The following WDR26 variants were observed in gnomAD, a reference collection of about 807,000 sequenced individuals.
WDR26 encodes the protein WD repeat-containing protein 26.
In WDR26, 5 loss-of-function variants were observed where a neutral mutation model predicts 84.1. That is an observed-to-expected ratio of 0.06 (90% CI 0.03 to 0.13). The LOEUF is 0.13. WDR26 is among the 10% of genes least tolerant of loss of function. The probability of loss-of-function intolerance (pLI) is 1.00; values close to 1 mark genes in which losing one functional copy is unlikely to be tolerated. For synonymous variants in WDR26, 415 were observed against 389.6 expected, an observed-to-expected ratio of 1.07 and a Z score of -0.77; for missense variants, 642 against 974.9, an observed-to-expected ratio of 0.66 and a Z score of 4.55.
At chr1:224,412,162 T>TA (rs1673757851) in intron 6 of WDR26, among the ~76,000 whole-genome samples, 1 of 152,224 alleles carries the variant, frequency 6.6e-6, no homozygotes, top group Non-Finnish European at 1.5e-5. Context: ...ACAGGGTTCT[T>TA]AGAATTCTTG....
rs752048432 is a variant in WDR26 at position 224,400,930 on chromosome 1, AG to A, written c.1719+19del. On this transcript the variant is annotated intron_variant, in intron 9 of 13. Coordinates refer to ENST00000414423, the MANE Select transcript of WDR26 (RefSeq NM_001379403.1). ...GCTTTTAAACCAACAGATACTGGGA[AG>A]GGGGCACTGAATACTTACACACTGA... 8.1e-6 allele frequency: 13 copies of A among 1,607,304 alleles called. No homozygotes were observed.
At chr1:224,418,231 T>C (rs371545472) in intron 6 of WDR26, 29 bp downstream of exon 6, 1 of 1,575,936 alleles carries the variant, frequency 6.3e-7, no homozygotes, top group Non-Finnish European at 8.6e-7. Flanking sequence ...TGTTAGGCTG[T>C]TTCAGAATAT....
intron 1 of WDR26, 29 bp from the exon 2 acceptor site, chr1:224,431,810 C>T (rs1170345348): frequency 6.5e-7 from 1 of 1,546,862 alleles, no homozygotes; most frequent in African/African-American, 1.4e-5. Context: ...GTAAAACAGA[C>T]CTGACCAATT....
chr1:224,429,500 G>A (rs893354387), intron 3 of WDR26: 1 of 152,146 alleles, frequency 6.6e-6, no homozygotes, highest in African/African-American at 2.4e-5. Context: ...CTCTTCTTCT[G>A]GAGATGGGAT....
At position 224,434,782 on chromosome 1, in the gene WDR26, C is replaced by G; in HGVS notation, c.-377G>C. On this transcript the variant is annotated 5_prime_UTR_variant, in exon 1 of 14. Transcript: ENST00000414423. ...GCTCCCTGGTGTGTTGATTCTTCCCCCAGCTGCTGCCTAATGGAGTCCAGG... is the reference window on the plus strand; with the variant it reads ...GCTCCCTGGTGTGTTGATTCTTCCCGCAGCTGCTGCCTAATGGAGTCCAGG... 1 of 986,410 alleles carries G rather than the reference C, an allele frequency of 1.0e-6. No homozygotes were observed. The highest frequency in any genetic ancestry group is 5.2e-4 in the Middle Eastern group (1 of 1,918). 61.1% of individuals were successfully genotyped at this position (986,410 alleles called of 1,614,324 possible).
chr1:224,392,355 CA>C lies in WDR26; in HGVS notation c.2260+1472del, dbSNP rs879788087. 1.0e-3 allele frequency among the ~76,000 whole-genome samples: 129 copies of C among 128,612 alleles called. 1 individual carries two copies. Among genetic ancestry groups the C allele is most frequent in the East Asian group, 1.8e-3 (8 of 4,440 alleles). The allele number at this position is 128,612 out of a possible 152,430, so 84.4% of individuals were successfully genotyped here. A position where few individuals can be genotyped will look rare whatever the true frequency, so the allele number is the denominator to read the frequency against. ...TGGGAGAGAGCATGAGACTCCGTCTCAAAAAAAAAAAAGAAAAGAAAACATA... is the reference window on the plus strand; with the variant it reads ...TGGGAGAGAGCATGAGACTCCGTCTCAAAAAAAAAAAGAAAAGAAAACATA... On this transcript the variant is annotated intron_variant, in intron 13 of 13. Transcript: ENST00000414423.
Position 224,387,655 on chromosome 1 carries a change from G to C in WDR26, c.*2180C>G, listed in dbSNP as rs1558408502. 1 of 152,568 alleles carries C rather than the reference G, an allele frequency of 6.6e-6. No individual in the cohort carries two copies. 9.5% of individuals were successfully genotyped at this position (152,568 alleles called of 1,614,324 possible). On this transcript the variant is annotated 3_prime_UTR_variant, in exon 14 of 14. Coordinates refer to ENST00000414423, the MANE Select transcript of WDR26 (RefSeq NM_001379403.1). ...TGCCCCTGAATGGGCACAAATCTGA[G>C]TGTTACAAATGCACCGTAGCACACT...
intron 7 of WDR26, among the ~76,000 whole-genome samples, chr1:224,406,648 G>C (rs911932476): frequency 2.0e-5 from 3 of 152,108 alleles, no homozygotes; most frequent in African/African-American, 7.2e-5. Flanking sequence ...TTGGGAAGTG[G>C]GTAAGAGGTA....
rs1480248644 is a variant in WDR26 at position 224,385,379 on chromosome 1, A to G, written c.*4456T>C. On this transcript the variant is annotated 3_prime_UTR_variant, in exon 14 of 14. Transcript: ENST00000414423. ...ATAATTAGTAAACAAGTGAAAATAA[A>G]TATCAGAGACCTGAAGTTTTTATAC... 1.3e-5 allele frequency: 2 copies of G among 152,332 alleles called. No homozygotes were observed. Among genetic ancestry groups the G allele is most frequent in the Admixed American group, 1.3e-4 (2 of 15,292 alleles). The allele number at this position is 152,332 out of a possible 1,614,324, so 9.4% of individuals were successfully genotyped here.
In WDR26 at chr1:224,386,438, T is replaced by C. The variant is rs1672993290; in HGVS notation, c.*3397A>G. On this transcript the variant is annotated 3_prime_UTR_variant, in exon 14 of 14. Coordinates refer to ENST00000414423, the MANE Select transcript of WDR26 (RefSeq NM_001379403.1). ...GATATTTTCCCTTTCAAGAGATGTA[T>C]GATATATTTACCCACTGTGAGGCAG... The C allele has an allele frequency of 6.6e-6, 1 of 152,556 alleles. No individual in the cohort carries two copies. Among genetic ancestry groups the C allele is most frequent in the African/African-American group, 2.4e-5 (1 of 41,416 alleles). 9.5% of individuals were successfully genotyped at this position (152,556 alleles called of 1,614,324 possible).
At chr1:224,396,867 T>A (rs1283789403) in intron 12 of WDR26, among the ~76,000 whole-genome samples, 1 of 149,890 alleles carries the variant, frequency 6.7e-6, no homozygotes, top group African/African-American at 2.5e-5. Flanking sequence ...GGAGGTTGCA[T>A]CAAGATCGTG....
Position 224,398,574 on chromosome 1 carries a change from T to C in WDR26, c.1885A>G (p.Ile629Val), listed in dbSNP as rs1226844308. Residue 629 changes from isoleucine to valine, a missense_variant, in exon 11 of 14, where the codon ATT becomes GTT. By Grantham distance (29) the Ile-to-Val change is conservative (BLOSUM62 3). Coordinates refer to ENST00000414423, the MANE Select transcript of WDR26 (RefSeq NM_001379403.1). ...TTTTTTGAAATAGTAAAAGACATAA[T>C]AGGATGATCTTCTTGTACTCTGGAA... 3 of 1,609,312 alleles carry C rather than the reference T, an allele frequency of 1.9e-6. No homozygotes were observed. Among genetic ancestry groups the C allele is most frequent in the African/African-American group, 2.7e-5 (2 of 74,704 alleles).
In WDR26 at chr1:224,433,924, GGCAGGA is replaced by G; in HGVS notation, c.476_481del (p.Leu159_Leu160del). On this transcript the variant is annotated inframe_deletion, in exon 1 of 14. Coordinates refer to ENST00000414423, the MANE Select transcript of WDR26 (RefSeq NM_001379403.1). ...GTTGCTGGCGGCGGAGGGGGCGGAA[GGCAGGA>G]GCCCATTGGCGTGGGCCAGGTCCCC... The G allele has an allele frequency of 6.5e-7, 1 of 1,536,374 alleles. No individual in the cohort carries two copies. The highest frequency in any genetic ancestry group is 8.7e-7 in the Non-Finnish European group (1 of 1,146,602).
At position 224,408,427 on chromosome 1, in the gene WDR26, T is replaced by C. The variant is rs182677100; in HGVS notation, c.1458+3000A>G. On this transcript the variant is annotated intron_variant, in intron 7 of 13. Coordinates refer to ENST00000414423, the MANE Select transcript of WDR26 (RefSeq NM_001379403.1). ...CACACAACAGGTGTTTAATAAATAC[T>C]GGCTAAATGAAGGGGATTCTTATAC... is the stretch of plus-strand genomic sequence containing the variant. 3.6e-3 allele frequency among the ~76,000 whole-genome samples: 545 copies of C among 152,306 alleles called. 3 individuals carry two copies. Among genetic ancestry groups the C allele is most frequent in the African/African-American group, 0.012 (510 of 41,566 alleles).
intron 1 of WDR26, among the ~76,000 whole-genome samples, chr1:224,432,149 C>T (rs187781730): frequency 1.3e-5 from 2 of 152,274 alleles, no homozygotes; most frequent in Admixed American, 6.5e-5. Context: ...AAATTATTAG[C>T]TTCACACAAG....
At chr1:224,421,431 A>G (rs1674058317) in intron 4 of WDR26, among the ~76,000 whole-genome samples, 2 of 152,184 alleles carry the variant, frequency 1.3e-5, no homozygotes, top group Non-Finnish European at 2.9e-5. Flanking sequence ...CTAAAAATAC[A>G]GAAAAAAAAT....
Position 224,399,050 on chromosome 1 carries a change from C to T in WDR26, c.1720-16G>A. ...CATCTAAGTCCTGAGTAAGAAAAAA[C>T]TACTATTAACTTCATTACTCAACAG... On this transcript the variant is annotated splice_polypyrimidine_tract_variant and intron_variant, in intron 9 of 13. Transcript: ENST00000414423. 1 of 1,502,672 alleles carries T rather than the reference C, an allele frequency of 6.7e-7. No homozygotes were observed. Among genetic ancestry groups the T allele is most frequent in the South Asian group, 1.4e-5 (1 of 73,168 alleles). 93.1% of individuals were successfully genotyped at this position (1,502,672 alleles called of 1,614,324 possible).
At position 224,433,773 on chromosome 1, in the gene WDR26, G is replaced by A. The variant is rs556219046; in HGVS notation, c.633C>T (p.Gly211=). The change falls in exon 1 of 14, where the codon GGC becomes GGT. Residue 211 remains glycine (G), a synonymous_variant. Coordinates refer to ENST00000414423, the MANE Select transcript of WDR26 (RefSeq NM_001379403.1). ...GCCGCTTCTTCTTCTTGAGGCTGCT[G>A]CCCAGTTCTGGGGTGGCCAAGGAAG... 3.3e-5 allele frequency: 50 copies of A among 1,536,844 alleles called. No homozygotes were observed. The East Asian group carries it at 4.2e-4, about 13-fold the overall frequency.
At chr1:224,396,819 G>A (rs1041957897) in intron 12 of WDR26, among the ~76,000 whole-genome samples, 1 of 152,110 alleles carries the variant, frequency 6.6e-6, no homozygotes, top group African/African-American at 2.4e-5. Flanking sequence ...GGCTACTTGA[G>A]GGGCTGAGGA....
Sources: allele counts gnomAD v4.1 joint callset (sites outside exome capture counted in the v4.1 genomes callset), GRCh38; gene constraint gnomAD v4.1.1; transcripts MANE v1.5; gene names NCBI Gene and HGNC (gene_info 2026-07-23, HGNC 2026-07-21).